Variants in FGF13 observed in about 807,000 individuals in gnomAD.
The protein encoded by FGF13 is fibroblast growth factor 13, also known as fibroblast growth factor homologous factor 2.
Under a neutral mutation model 19.5 loss-of-function variants are expected in FGF13, and 2 were observed. The ratio of observed to expected loss-of-function variants is 0.10; its 90% CI spans 0.04 to 0.32. The LOEUF (loss-of-function observed/expected upper bound fraction) is 0.32, where lower values mean the gene tolerates loss of function less well. Ranked by LOEUF, FGF13 falls within the 10% of genes least tolerant of loss-of-function variation. FGF13 has a pLI of 1.00. For synonymous variants in FGF13, 72 were observed against 76.9 expected, an observed-to-expected ratio of 0.94 and a Z score of 0.33; for missense variants, 113 against 192.7, an observed-to-expected ratio of 0.59 and a Z score of 2.45.
chrX:138,995,641 G>T (rs182221201), intron 1 of FGF13, among the ~76,000 whole-genome samples: 1 of 112,301 alleles, frequency 8.9e-6, no homozygotes, highest in Non-Finnish European at 1.9e-5. Flanking sequence ...AGACATGATC[G>T]CATTTTTTAT....
In FGF13 at chrX:138,857,588, G is replaced by T. The variant is rs750491779; in HGVS notation, c.54C>A (p.Pro18=). 3.3e-6 allele frequency: 4 copies of T among 1,205,688 alleles called. No individual in the cohort carries two copies. The African/African-American group carries it at 5.3e-5, about 16-fold the overall frequency. Residue 18 remains proline, a synonymous_variant, in exon 3 of 3, where the codon CCC becomes CCA. Transcript: ENST00000421460. Reference sequence around the variant, plus strand: ...AGATTTCGTGACACTTAGCACGAAAGGGGGACTCTTTTTTCTTTAATTCCG... The same window carrying T: ...AGATTTCGTGACACTTAGCACGAAATGGGGACTCTTTTTTCTTTAATTCCG...
rs1446827267 is a variant in FGF13, at chrX:138,711,051, T to C, written c.-48A>G. 1.0e-5 allele frequency: 12 copies of C among 1,197,324 alleles called. No homozygotes were observed. The highest frequency in any genetic ancestry group is 1.3e-5 in the Non-Finnish European group (12 of 890,335). On this transcript the variant is annotated 5_prime_UTR_variant, in exon 1 of 5. Transcript: ENST00000315930. ...GCTTCTTTTGCTGCCCCTCTCTGGGTTCGCCTCCTCCTCCTTCTCCTCCGC... is the reference window on the plus strand; with the variant it reads ...GCTTCTTTTGCTGCCCCTCTCTGGGCTCGCCTCCTCCTCCTTCTCCTCCGC...
intron 3 of FGF13, among the ~76,000 whole-genome samples, chrX:138,817,723 A>G (rs762871021): frequency 8.9e-6 from 1 of 112,188 alleles, no homozygotes; most frequent in Admixed American, 9.5e-5. Flanking sequence ...AGAAGTAATC[A>G]TATGTGCTGC....
intron 1 of FGF13, among the ~76,000 whole-genome samples, chrX:139,072,525 G>A (rs1213543491): frequency 8.9e-6 from 1 of 111,765 alleles, no homozygotes; most frequent in Non-Finnish European, 1.9e-5. Context: ...TGGATATAAA[G>A]TTCTACGTTA....
At chrX:138,919,974 T>C (rs2091636487) in intron 1 of FGF13, among the ~76,000 whole-genome samples, 2 of 111,256 alleles carry the variant, frequency 1.8e-5, no homozygotes, top group African/African-American at 6.5e-5. Context: ...TATAGGACTT[T>C]TCTGTGTATT....
intron 3 of FGF13, among the ~76,000 whole-genome samples, chrX:138,841,973 G>A: frequency 8.9e-6 from 1 of 111,750 alleles, no homozygotes; most frequent in East Asian, 2.8e-4. Context: ...CCCAATGTTA[G>A]TCGAGTCTGA....
At chrX:139,002,589 G>C (rs1324013592) in intron 1 of FGF13, among the ~76,000 whole-genome samples, 1 of 110,391 alleles carries the variant, frequency 9.1e-6, no homozygotes, top group African/African-American at 3.3e-5. Context: ...ACCCCAAGCT[G>C]TACAGCTTGC....
At chrX:138,857,577 T>A in exon 3 of FGF13, 14 of 1,207,285 alleles carry the variant, frequency 1.2e-5, no homozygotes, top group Non-Finnish European at 1.6e-5. Context: ...TTCGTGACAC[T>A]TAGCACGAAA....
intron 3 of FGF13, among the ~76,000 whole-genome samples, chrX:138,835,791 A>T (rs1175973207): frequency 8.9e-6 from 1 of 111,848 alleles, no homozygotes; most frequent in African/African-American, 3.3e-5. Flanking sequence ...GGCTGGTAAC[A>T]GTCTTTCCTT....
Position 138,624,925 on chromosome X carries a change from C to A in FGF13, c.*7925G>T, listed in dbSNP as rs1016326651. 1 of 111,644 alleles carries A rather than the reference C, an allele frequency of 9.0e-6. No homozygotes were observed. Among genetic ancestry groups the A allele is most frequent in the African/African-American group, 3.3e-5 (1 of 30,729 alleles). 9.2% of individuals were successfully genotyped at this position (111,644 alleles called of 1,213,427 possible). ...CAGAATAGGAGAAAATATTTGCAAACCATATTTCTCATAAGGGGTTAATAT... is the reference window on the plus strand; with the variant it reads ...CAGAATAGGAGAAAATATTTGCAAAACATATTTCTCATAAGGGGTTAATAT... On this transcript the variant is annotated 3_prime_UTR_variant, in exon 5 of 5. Coordinates refer to ENST00000315930, the MANE Select transcript of FGF13 (RefSeq NM_004114.5).
In FGF13 at chrX:138,920,844, T is replaced by C. The variant is rs149324453; in HGVS notation, c.-112-56194A>G. ...TTCAACAGTTCTTGGCAAGTCTCTA[T>C]GAACTCGGCCAACTATGCACAAAAG... On this transcript the variant is annotated intron_variant, in intron 1 of 2. Coordinates refer to the FGF13 transcript ENST00000421460. Among the ~76,000 whole-genome samples the C allele has an allele frequency of 7.3e-3, 815 of 111,694 alleles. 13 individuals carry two copies. Among genetic ancestry groups the C allele is most frequent in the African/African-American group, 0.026 (788 of 30,794 alleles).
intron 1 of FGF13, among the ~76,000 whole-genome samples, chrX:138,984,722 A>G (rs1416346640): frequency 9.3e-5 from 1 of 10,758 alleles, no homozygotes; most frequent in African/African-American, 2.1e-4. Context: ...GGAGGAGGAG[A>G]ACAAGAAGAA....
chrX:138,997,306 G>A (rs984843936), intron 1 of FGF13, among the ~76,000 whole-genome samples: 1 of 111,812 alleles, frequency 8.9e-6, no homozygotes, highest in African/African-American at 3.3e-5. Flanking sequence ...TCGCCAGCAA[G>A]GGAACAAAAC....
chrX:139,043,446 C>T (rs2092276907), intron 1 of FGF13, among the ~76,000 whole-genome samples: 1 of 110,768 alleles, frequency 9.0e-6, no homozygotes, highest in African/African-American at 3.3e-5. Flanking sequence ...CTTCTAACCT[C>T]AGGTAATCCG....
rs776442415 is a variant in FGF13, at chrX:139,162,784, TG to T, written c.-113+40631del. 2.2e-3 allele frequency among the ~76,000 whole-genome samples: 248 copies of T among 112,063 alleles called. 2 individuals are homozygous for T. Among genetic ancestry groups the T allele is most frequent in the Non-Finnish European group, 3.2e-3 (171 of 53,170 alleles). On this transcript the variant is annotated intron_variant, in intron 1 of 2. Transcript: ENST00000421460. The stretch of plus-strand genomic sequence containing the variant: ...GACATTTATGTGACCAACAAACATA[TG>T]AAAAAAAGTTCATCATCACTGGTCA...
At position 138,711,082 on chromosome X, in the gene FGF13, G is replaced by C; in HGVS notation, c.-79C>G. 1 of 1,173,906 alleles carries C rather than the reference G, an allele frequency of 8.5e-7. No individual in the cohort carries two copies. The highest frequency in any genetic ancestry group is 1.1e-6 in the Non-Finnish European group (1 of 880,517). On this transcript the variant is annotated 5_prime_UTR_variant, in exon 1 of 5. Transcript: ENST00000315930. ...TCCTCCTCCTTCTCCTCCGCTGCTT[G>C]TCCGCTGTCTCGCGACTTCGCCGCT... is the stretch of plus-strand genomic sequence containing the variant.
intron 1 of FGF13, among the ~76,000 whole-genome samples, chrX:138,980,092 T>C (rs1243494593): frequency 2.7e-5 from 3 of 112,481 alleles, no homozygotes; most frequent in Non-Finnish European, 5.6e-5. Flanking sequence ...AAAATGTATA[T>C]ACATATATCT....
At chrX:138,749,558 A>G (rs2090382465) in intron 3 of FGF13, among the ~76,000 whole-genome samples, 1 of 111,303 alleles carries the variant, frequency 9.0e-6, no homozygotes, top group African/African-American at 3.3e-5. Context: ...TAGTCAAATC[A>G]ATTGTTGGGA....
intron 1 of FGF13, among the ~76,000 whole-genome samples, chrX:138,880,589 C>A (rs1252506425): frequency 9.0e-6 from 1 of 111,676 alleles, no homozygotes; most frequent in African/African-American, 3.3e-5. Context: ...GAACAGAAAA[C>A]CAAACACTAG....
Sources: gnomAD v4.1 joint callset for allele counts (sites outside exome capture counted in the v4.1 genomes callset) on GRCh38, gnomAD v4.1.1 for gene constraint, MANE v1.5 for transcripts, NCBI Gene and HGNC (gene_info 2026-07-23, HGNC 2026-07-21) for gene names.